HNF4G: variants seen among roughly 807,000 people sequenced by gnomAD.
HNF4G encodes hepatocyte nuclear factor 4 gamma.
HNF4G carries 21 observed loss-of-function variants against 50.9 expected under a neutral mutation model. The observed-to-expected ratio is 0.41, with a 90% CI of 0.29 to 0.59. The LOEUF (loss-of-function observed/expected upper bound fraction) is 0.59. Ranked by LOEUF, HNF4G falls within the 20% of genes least tolerant of loss-of-function variation. The pLI, the probability that HNF4G is intolerant of heterozygous loss-of-function variation, is 0.26. For missense variants in HNF4G, 527 were observed against 559.4 expected (o/e 0.94, Z 0.58); for synonymous variants, 198 against 185.6 (o/e 1.07, Z -0.54).
chr8:75,466,357 G>C (rs7836054), intron 1 of HNF4G, among the ~76,000 whole-genome samples: 5,804 of 151,876 alleles, frequency 0.038, 135 homozygotes, highest in South Asian at 0.055. Flanking sequence ...TATTTTTATA[G>C]ATTTTATTTT....
At chr8:75,415,398 A>G (rs576684518) in intron 1 of HNF4G, among the ~76,000 whole-genome samples, 1 of 152,300 alleles carries the variant, frequency 6.6e-6, no homozygotes, top group East Asian at 1.9e-4. Flanking sequence ...TGGGAATAGC[A>G]TGTACAAAAA....
chr8:75,456,885 C>T (rs1382346411), intron 1 of HNF4G, among the ~76,000 whole-genome samples: 5 of 151,892 alleles, frequency 3.3e-5, no homozygotes, highest in East Asian at 3.9e-4. Context: ...GGACCCCAGA[C>T]GTGTGCCACC....
intron 6 of HNF4G, among the ~76,000 whole-genome samples, chr8:75,558,184 T>C (rs1640069481): frequency 2.0e-5 from 3 of 152,228 alleles, no homozygotes; most frequent in Admixed American, 6.5e-5. Context: ...CATTAGTGAA[T>C]AAAACGCTAA....
chr8:75,517,189 C>A (rs1805911563), intron 2 of HNF4G, among the ~76,000 whole-genome samples: 1 of 152,190 alleles, frequency 6.6e-6, no homozygotes, highest in South Asian at 2.1e-4. Flanking sequence ...TCGGGTACCT[C>A]CCATTACATA....
intron 2 of HNF4G, among the ~76,000 whole-genome samples, chr8:75,514,475 C>T (rs1442255032): frequency 1.3e-5 from 2 of 151,182 alleles, no homozygotes; most frequent in Admixed American, 1.3e-4. Flanking sequence ...GCCTCAGCCT[C>T]CCAAGTAGCT....
At chr8:75,456,972 T>C (rs1811738596) in intron 1 of HNF4G, among the ~76,000 whole-genome samples, 1 of 152,184 alleles carries the variant, frequency 6.6e-6, no homozygotes, top group Non-Finnish European at 1.5e-5. Flanking sequence ...CTTGAACTCC[T>C]CAGCTACAGC....
At chr8:75,436,629 C>T (rs182343905) in intron 1 of HNF4G, among the ~76,000 whole-genome samples, 332 of 152,178 alleles carry the variant, frequency 2.2e-3, no homozygotes, top group Admixed American at 4.4e-3. Context: ...TTCCAATTGG[C>T]TTAATAGGTG....
At chr8:75,479,983 CTT>C (rs34251311) in intron 1 of HNF4G, among the ~76,000 whole-genome samples, 8 of 148,460 alleles carry the variant, frequency 5.4e-5, no homozygotes, top group South Asian at 2.1e-4. Flanking sequence ...ACAACCTTAA[CTT>C]TTTTTTTTTG....
chr8:75,486,372 A>G (rs1446624747), intron 1 of HNF4G, among the ~76,000 whole-genome samples: 1 of 152,174 alleles, frequency 6.6e-6, no homozygotes, highest in East Asian at 1.9e-4. Context: ...ACCTTTTGTT[A>G]TATTTTAATA....
Position 75,558,575 on chromosome 8 carries a change from A to G in HNF4G, c.791A>G (p.Asn264Ser), listed in dbSNP as rs749953451. The G allele has an allele frequency of 2.0e-5, 33 of 1,613,822 alleles. No homozygotes were observed. The highest frequency in any genetic ancestry group is 2.2e-5 in the South Asian group (2 of 91,078). Residue 264 changes from asparagine (N) to serine (S), a missense_variant, in exon 7 of 10, where the codon AAT (asparagine) becomes AGT (serine). This residue lies in a region of HNF4G where 308 missense variants were observed against 301.5 expected (regional missense o/e 1.02). Transcript: ENST00000396423. The stretch of plus-strand genomic sequence containing the variant: ...GAAGTTGAGATTAGCCGTGTGGCCA[A>G]TCGTGTTCTAGATGAGCTGGTTAGA... ...SCEVEISRVA[N>S]RVLDELVRPF...
At chr8:75,539,698 A>T (rs2130781766), upstream of HNF4G, among the ~76,000 whole-genome samples, 1 of 152,316 alleles carries the variant, frequency 6.6e-6, no homozygotes, top group South Asian at 2.1e-4. Flanking sequence ...ATGTTAGTCC[A>T]CTAAGCACTT....
intron 1 of HNF4G, among the ~76,000 whole-genome samples, chr8:75,482,530 C>A (rs561359377): frequency 1.3e-5 from 2 of 152,218 alleles, no homozygotes; most frequent in East Asian, 1.9e-4. Flanking sequence ...CCATGCTCAG[C>A]TAATTTTTGT....
chr8:75,432,836 T>C (rs1585838019), intron 1 of HNF4G, among the ~76,000 whole-genome samples: 1 of 152,340 alleles, frequency 6.6e-6, no homozygotes, highest in South Asian at 2.1e-4. Context: ...GCTTTCACCT[T>C]GTTCTTTTGG....
At chr8:75,428,268 C>T (rs1203867912) in intron 1 of HNF4G, among the ~76,000 whole-genome samples, 1 of 152,146 alleles carries the variant, frequency 6.6e-6, no homozygotes, top group Admixed American at 6.5e-5. Flanking sequence ...TGTTCTCTTT[C>T]TTCACTTAGG....
chr8:75,498,995 T>A lies in HNF4G; in HGVS notation c.-24+8787T>A, dbSNP rs766700488. On this transcript the variant is annotated intron_variant, in intron 2 of 10. Transcript: ENST00000354370. ...AGATAAGAATGTCTGTTTTTGCTAC[T>A]TCTATTTAGCATTTTACTGGAAGTT... Among the ~76,000 whole-genome samples the A allele has an allele frequency of 4.3e-4, 66 of 152,188 alleles. 1 individual carries two copies. The highest frequency in any genetic ancestry group is 3.4e-3 in the Middle Eastern group (1 of 294).
At chr8:75,431,640 T>C (rs1437904203) in intron 1 of HNF4G, among the ~76,000 whole-genome samples, 2 of 152,062 alleles carry the variant, frequency 1.3e-5, no homozygotes, top group Non-Finnish European at 2.9e-5. Context: ...AGAATATAGA[T>C]GCTAAGGCCC....
chr8:75,489,722 T>C (rs963081220), intron 1 of HNF4G, among the ~76,000 whole-genome samples: 4 of 152,310 alleles, frequency 2.6e-5, no homozygotes, highest in East Asian at 1.9e-4. Flanking sequence ...TCATTGCTCT[T>C]CCAAGGTGAA....
intron 2 of HNF4G, among the ~76,000 whole-genome samples, chr8:75,526,791 G>A (rs954765433): frequency 4.7e-5 from 7 of 150,402 alleles, no homozygotes; most frequent in Non-Finnish European, 1.0e-4. Context: ...CTTTGAGATG[G>A]AGTCTCGTTC....
At chr8:75,488,575 G>A (rs899853361) in intron 1 of HNF4G, among the ~76,000 whole-genome samples, 1 of 152,094 alleles carries the variant, frequency 6.6e-6, no homozygotes, top group East Asian at 1.9e-4. Context: ...ACTATGCCCG[G>A]CCTCATTGGA....
Sources: gnomAD v4.1 joint callset for allele counts (sites outside exome capture counted in the v4.1 genomes callset) on GRCh38, gnomAD v4.1.1 for gene constraint, gnomAD v4.1.1 regional missense constraint, MANE v1.5 for transcripts, NCBI Gene and HGNC (gene_info 2026-07-23, HGNC 2026-07-21) for gene names.